Variants in PPFIA4 observed in about 807,000 individuals in gnomAD.
The protein encoded by PPFIA4 is liprin-alpha-4.
In PPFIA4, 98 loss-of-function variants were observed where a neutral mutation model predicts 145.7. The ratio of observed to expected loss-of-function variants is 0.67; its 90% CI spans 0.57 to 0.80. The LOEUF is 0.80. PPFIA4 is among the 30% of genes least tolerant of loss of function. The pLI is 0.00. For missense variants in PPFIA4, 1,457 were observed against 1,632.7 expected (o/e 0.89, Z 1.85); for synonymous variants, 628 against 649.6 (o/e 0.97, Z 0.51).
intron 14 of PPFIA4, 58 bp downstream of exon 14, chr1:203,051,935 G>T (rs1660548012): frequency 1.3e-6 from 2 of 1,566,524 alleles, no homozygotes; most frequent in Admixed American, 3.7e-5. Context: ...CGCGTGCCTG[G>T]CTCCAGTTAC....
rs373581441 is a variant in PPFIA4 at position 203,075,160 on chromosome 1, C to T, written c.3394-417C>T. 1.1e-4 allele frequency among the ~76,000 whole-genome samples: 17 copies of T among 152,180 alleles called. No individual in the cohort carries two copies. In the East Asian group the frequency reaches 2.7e-3, roughly 24 times the overall value. ...TCTGGTATACTGGGCTACAGCCATT[C>T]GGAGGCCCCAGAAGGACAGGACAGT... On this transcript the variant is annotated intron_variant, in intron 28 of 29. Coordinates refer to ENST00000295706, the MANE Select transcript of PPFIA4 (RefSeq NM_001304331.2). This position sits in a 1 kb window ranked among gnomAD's most constrained non-coding sequence, Gnocchi z 4.1.
In PPFIA4 at chr1:203,046,233, C is replaced by T; in HGVS notation, c.1006-15C>T. On this transcript the variant is annotated splice_polypyrimidine_tract_variant and intron_variant, in intron 8 of 29. Coordinates refer to ENST00000295706, the MANE Select transcript of PPFIA4 (RefSeq NM_001304331.2). ...TGCTCCCTTTTGAATCACTTCACCA[C>T]CCCCACATTGCTAGTGTGAGGAGAA... 1 of 1,580,438 alleles carries T rather than the reference C, an allele frequency of 6.3e-7. No individual in the cohort carries two copies. Among genetic ancestry groups the T allele is most frequent in the Non-Finnish European group, 8.6e-7 (1 of 1,163,974 alleles).
chr1:203,061,711 C>T, intron 24 of PPFIA4, 33 bp downstream of exon 24: 2 of 1,552,712 alleles, frequency 1.3e-6, no homozygotes, highest in South Asian at 1.2e-5. Flanking sequence ...GAACCAGCTC[C>T]CAAAACTTCA....
chr1:203,045,983 G>T lies in PPFIA4; in HGVS notation c.1001G>T (p.Arg334Leu), dbSNP rs749077187. 1 of 1,612,564 alleles carries T rather than the reference G, an allele frequency of 6.2e-7. No homozygotes were observed. The highest frequency in any genetic ancestry group is 8.5e-7 in the Non-Finnish European group (1 of 1,179,834). Residue 334 changes from arginine (R) to leucine (L), a missense_variant, in exon 8 of 30, where the codon CGC (arginine) becomes CTC (leucine). Coordinates refer to ENST00000295706, the MANE Select transcript of PPFIA4 (RefSeq NM_001304331.2). ...CTGGCCAACAAGGAGTCCCTGCACC[G>T]CCAGGTACCTCCTCAGGGTGGGGTG... ...NELANKESLH[R>L]QCEEKARHLQ... is the part of the protein sequence containing the mutation.
In PPFIA4 at chr1:203,068,500, A is replaced by G. The variant is rs776875396; in HGVS notation, c.3196A>G (p.Ile1066Val). The G allele has an allele frequency of 1.1e-5, 17 of 1,609,272 alleles. No individual in the cohort carries two copies. Among genetic ancestry groups the G allele is most frequent in the East Asian group, 4.5e-5 (2 of 44,564 alleles). Residue 1066 changes from isoleucine to valine, a missense_variant, in exon 27 of 30, where the codon ATT becomes GTT. Transcript: ENST00000295706. The surrounding 1 kb of genome is among the most constrained non-coding windows in gnomAD (Gnocchi z 4.7). The part of the protein sequence containing the change: ...NDQVVHWVQS[I>V]GLRDYAGNLH... ...CCAGGTGGTTCATTGGGTCCAGTCT[A>G]TTGGGCTCCGGGACTACGCAGGAAA...
intron 19 of PPFIA4, 123 bp from the exon 20 acceptor site, chr1:203,059,054 TC>T (rs1397527137): frequency 1.4e-5 from 10 of 699,916 alleles, no homozygotes; most frequent in Non-Finnish European, 2.2e-5. Flanking sequence ...GGAATAATGG[TC>T]CCGTCAGGCC....
chr1:203,064,508 T>C (rs1661597903), intron 25 of PPFIA4, among the ~76,000 whole-genome samples: 1 of 152,162 alleles, frequency 6.6e-6, no homozygotes, highest in Non-Finnish European at 1.5e-5. Context: ...TCCAGTCCTC[T>C]CCTCCTCTTT....
intron 1 of PPFIA4, among the ~76,000 whole-genome samples, chr1:203,030,471 G>A (rs535169133): frequency 1.3e-5 from 2 of 152,346 alleles, no homozygotes; most frequent in South Asian, 2.1e-4. Context: ...TCATGGACAT[G>A]GAGGCCTGGG....
At position 203,048,580 on chromosome 1, in the gene PPFIA4, C is replaced by T; in HGVS notation, c.1225-3C>T. 6.3e-7 allele frequency: 1 copy of T among 1,576,408 alleles called. No homozygotes were observed. The highest frequency in any genetic ancestry group is 8.6e-7 in the Non-Finnish European group (1 of 1,162,356). On this transcript the variant is annotated splice_region_variant and splice_polypyrimidine_tract_variant and intron_variant, in intron 10 of 29. Transcript: ENST00000295706. This position sits in a 1 kb window ranked among gnomAD's most constrained non-coding sequence, Gnocchi z 5.8. The stretch of plus-strand genomic sequence containing the variant: ...GCCTGGTGCGAGGCAGACGGCTGTG[C>T]AGGTGCGCCAGCGGGAAAAGATGAA...
intron 2 of PPFIA4, among the ~76,000 whole-genome samples, chr1:203,039,514 C>A (rs1659551762): frequency 6.6e-6 from 1 of 152,102 alleles, no homozygotes; most frequent in Admixed American, 6.6e-5. Context: ...TAGGTGGCAC[C>A]CTAGACTGGA....
rs1225648708 is a variant in PPFIA4 at position 203,055,502 on chromosome 1, A to G, written c.1900A>G (p.Ser634Gly). Residue 634 changes from serine to glycine, a missense_variant, in exon 16 of 30, where the codon AGC (serine) becomes GGC (glycine). Coordinates refer to ENST00000295706, the MANE Select transcript of PPFIA4 (RefSeq NM_001304331.2). This position sits in a 1 kb window ranked among gnomAD's most constrained non-coding sequence, Gnocchi z 4.8. ...EEIETRVTSGSMEALNLKQLR... is the reference protein window; with the variant it reads ...EEIETRVTSGGMEALNLKQLR... ...GATTGAGACGCGTGTAACCAGTGGCAGCATGGAAGCCCTAAACCTGAAGCA... is the reference window on the plus strand; with the variant it reads ...GATTGAGACGCGTGTAACCAGTGGCGGCATGGAAGCCCTAAACCTGAAGCA... The G allele has an allele frequency of 6.2e-7, 1 of 1,614,024 alleles. No individual in the cohort carries two copies. Among genetic ancestry groups the G allele is most frequent in the South Asian group, 1.1e-5 (1 of 91,086 alleles).
At chr1:203,052,136 G>T (rs766831384) in intron 14 of PPFIA4, among the ~76,000 whole-genome samples, 2 of 151,724 alleles carry the variant, frequency 1.3e-5, no homozygotes, top group Non-Finnish European at 2.9e-5. Flanking sequence ...TGAAGTGTGT[G>T]TGCGTGTGCC....
At position 203,059,204 on chromosome 1, in the gene PPFIA4, A is replaced by G. The variant is rs1388733461; in HGVS notation, c.2434A>G (p.Met812Val). 2 of 1,547,010 alleles carry G rather than the reference A, an allele frequency of 1.3e-6. No individual in the cohort carries two copies. The highest frequency in any genetic ancestry group is 1.9e-5 in the Admixed American group (1 of 53,906). ...TCTGCTAACAGACTCCGAATTCAGT[A>G]TGCAGGAGCCTATGGTGCCTGCCAA... ...HVLLTDSEFS[M>V]QEPMVPAKLG... The change falls in exon 20 of 30, where the codon ATG (methionine) becomes GTG (valine). Residue 812 changes from methionine to valine, a missense_variant. Transcript: ENST00000295706.
chr1:203,036,927 G>T (rs987678230), intron 1 of PPFIA4, among the ~76,000 whole-genome samples: 6 of 152,234 alleles, frequency 3.9e-5, no homozygotes, highest in African/African-American at 1.4e-4. Context: ...CTTGACCAGA[G>T]TTTGTGTCCA....
Position 203,043,428 on chromosome 1 carries a change from T to C in PPFIA4, c.266T>C (p.Met89Thr). 1 of 1,611,654 alleles carries C rather than the reference T, an allele frequency of 6.2e-7. No homozygotes were observed. Residue 89 changes from methionine to threonine, a missense_variant, in exon 3 of 30, where the codon ATG becomes ACG. Physicochemically the swap from Met to Thr is moderately conservative, Grantham distance 81 (BLOSUM62 -1). Transcript: ENST00000295706. This position sits in a 1 kb window ranked among gnomAD's most constrained non-coding sequence, Gnocchi z 4.4. ...EFATLTRELS[M>T]CREQLLEREE... ...GCCACCTTAACCCGGGAGCTGAGCA[T>C]GTGTCGGGAGCAGCTTCTAGAGCGG...
rs78717186 is a variant in PPFIA4, at chr1:203,048,326, C to A, written c.1224+16C>A. The A allele has an allele frequency of 6.2e-7, 1 of 1,609,728 alleles. No homozygotes were observed. ...GCTGGCACGGGTGAGGGCACCAGGC[C>A]GGGCCCTCAGGCCCCCTCCTTCCCG... On this transcript the variant is annotated intron_variant, in intron 10 of 29. Transcript: ENST00000295706. The surrounding 1 kb of genome is among the most constrained non-coding windows in gnomAD (Gnocchi z 5.8).
chr1:203,059,783 G>A lies in PPFIA4; in HGVS notation c.2515G>A (p.Glu839Lys), dbSNP rs373665374. The A allele has an allele frequency of 6.2e-7, 1 of 1,613,438 alleles. No individual in the cohort carries two copies. The highest frequency in any genetic ancestry group is 8.5e-7 in the Non-Finnish European group (1 of 1,179,718). ...TCTTCCTATAAGACACCAGCTGCTT[G>A]AAGATGCCCGCAGGAAAGGAATGCC... ...RRLKKKHQLL[E>K]DARRKGMPFA... The change falls in exon 21 of 30, where the codon GAA becomes AAA. Residue 839 changes from glutamate (E) to lysine (K), a missense_variant. By Grantham distance (56) the Glu-to-Lys change is moderately conservative (BLOSUM62 1). Around this residue, in one of 3 missense-constraint regions of PPFIA4, gnomAD observed 848 missense variants for 1,046.7 expected, o/e 0.81. Transcript: ENST00000295706.
intron 12 of PPFIA4, 136 bp from the exon 13 acceptor site, chr1:203,049,540 G>A (rs1001107961): frequency 1.4e-6 from 1 of 738,198 alleles, no homozygotes; most frequent in Non-Finnish European, 2.0e-6. Context: ...TGGGGCCCCT[G>A]GCTTTGGACT....
rs767469743 is a variant in PPFIA4 at position 203,043,522 on chromosome 1, G to A, written c.336+24G>A. 3.8e-5 allele frequency: 60 copies of A among 1,565,282 alleles called. No individual in the cohort carries two copies. The highest frequency in any genetic ancestry group is 5.7e-5 in the South Asian group (5 of 87,278). ...GGGTAAGTGGGGATGACCTTGTGTC[G>A]CGCGCGCGCACGTGTGTGTGTGTGT... On this transcript the variant is annotated intron_variant, in intron 3 of 29. Transcript: ENST00000295706. This position sits in a 1 kb window ranked among gnomAD's most constrained non-coding sequence, Gnocchi z 4.4.
Sources: gnomAD v4.1 joint callset for allele counts (sites outside exome capture counted in the v4.1 genomes callset) on GRCh38, gnomAD v4.1.1 for gene constraint, gnomAD v4.1.1 regional missense constraint, Gnocchi (gnomAD v3.1) non-coding constraint, MANE v1.5 for transcripts, NCBI Gene and HGNC (gene_info 2026-07-23, HGNC 2026-07-21) for gene names.